RNF135: variants seen among roughly 807,000 people sequenced by gnomAD.
RNF135 encodes the protein ring finger protein 135.
A neutral mutation model predicts 41.9 loss-of-function variants in RNF135; 46 were observed. That is an observed-to-expected ratio of 1.10 (90% CI 0.87 to 1.40). The LOEUF (loss-of-function observed/expected upper bound fraction) is 1.40. Ranked by LOEUF, RNF135 falls within the 40% of genes most tolerant of loss-of-function variation. The pLI, the probability that RNF135 is intolerant of heterozygous loss-of-function variation, is 0.00. For synonymous variants in RNF135, 238 were observed against 223.8 expected, an observed-to-expected ratio of 1.06 and a Z score of -0.57; for missense variants, 539 against 549.8, an observed-to-expected ratio of 0.98 and a Z score of 0.20.
At chr17:30,962,046 C>T in the RNF135 span, among the ~76,000 whole-genome samples, 2 of 152,122 alleles carry the variant, frequency 1.3e-5, no homozygotes, top group Non-Finnish European at 2.9e-5. Flanking sequence ...GAGCAGCCTA[C>T]CCTGAATCCT....
chr17:30,965,319 C>T, the RNF135 span: 3 of 151,658 alleles, frequency 2.0e-5, no homozygotes, highest in Non-Finnish European at 4.4e-5. Context: ...CCAGCCTGGG[C>T]AACAAAGACC....
upstream of RNF135, chr17:30,971,036 C>G (rs1042070028): frequency 3.9e-6 from 6 of 1,533,166 alleles, no homozygotes; most frequent in African/African-American, 6.9e-5. Flanking sequence ...ACTCGCCCGG[C>G]TCAACCCCGA....
At chr17:30,973,339 T>C (rs1385039457) in intron 1 of RNF135, 1 of 152,202 alleles carries the variant, frequency 6.6e-6, no homozygotes, top group African/African-American at 2.4e-5. Context: ...ATGGTATCCT[T>C]TGATGTGCAA....
chr17:30,990,630 T>A (rs1414095889), intron 3 of RNF135, among the ~76,000 whole-genome samples: 1 of 152,240 alleles, frequency 6.6e-6, no homozygotes, highest in Non-Finnish European at 1.5e-5. Context: ...TTACCGTTTT[T>A]TTGAGTGTCT....
chr17:30,970,683 C>G, upstream of RNF135: 1 of 264,156 alleles, frequency 3.8e-6, no homozygotes, highest in Non-Finnish European at 7.3e-6. Flanking sequence ...CCTCTCCTCC[C>G]AAGAGTTGTC....
Position 30,975,537 on chromosome 17 carries a change from C to T in RNF135, c.372+4092C>T, listed in dbSNP as rs187620040. Reference sequence around the variant, plus strand: ...CCCTGCCCTCAGAAATAAATGGCCTCGAAAATAGACATACACCCAACAATA... The same window carrying T: ...CCCTGCCCTCAGAAATAAATGGCCTTGAAAATAGACATACACCCAACAATA... On this transcript the variant is annotated intron_variant, in intron 1 of 4. Transcript: ENST00000328381. 2.5e-4 allele frequency: 193 copies of T among 779,618 alleles called. 1 individual carries two copies. The African/African-American group carries it at 2.7e-3, about 11-fold the overall frequency. 48.3% of individuals were successfully genotyped at this position (779,618 alleles called of 1,614,324 possible).
At chr17:30,991,111 C>T (rs1907955214) in intron 3 of RNF135, among the ~76,000 whole-genome samples, 1 of 152,150 alleles carries the variant, frequency 6.6e-6, no homozygotes, top group Admixed American at 6.6e-5. Context: ...AGTCTTCACT[C>T]CCACAGAAGA....
At chr17:30,959,412 T>G in the RNF135 span, 1 of 152,204 alleles carries the variant, frequency 6.6e-6, no homozygotes, top group South Asian at 2.1e-4. Context: ...GGCTTGTTAG[T>G]GCAAGGAAGT....
chr17:30,971,511 T>C, intron 1 of RNF135, 66 bp downstream of exon 1: 3 of 1,416,766 alleles, frequency 2.1e-6, no homozygotes, highest in South Asian at 3.0e-5. Context: ...CCCTTTCCCA[T>C]GTGGCTCGAA....
At chr17:30,974,936 C>T (rs1906312349) in intron 1 of RNF135, among the ~76,000 whole-genome samples, 1 of 151,918 alleles carries the variant, frequency 6.6e-6, no homozygotes, top group Non-Finnish European at 1.5e-5. Context: ...CCTCGGCCTC[C>T]CAAAGTGCTG....
rs762704641 is a variant in RNF135 at position 30,998,695 on chromosome 17, T to C, written c.803T>C (p.Leu268Pro). ...CATCCAACCTTTAACTTGAAGAGCC[T>C]TTCCTGCAGCCTGGAGGTGTCCAAG... ...AIHPTFNLKS[L>P]SCSLEVSKDS... is the part of the protein sequence containing the mutation. Residue 268 changes from leucine (L) to proline (P), a missense_variant, in exon 5 of 5, where the codon CTT becomes CCT. Physicochemically the swap from Leu to Pro is moderately conservative, Grantham distance 98. Transcript: ENST00000328381. 6.2e-7 allele frequency: 1 copy of C among 1,614,062 alleles called. No homozygotes were observed. Among genetic ancestry groups the C allele is most frequent in the Admixed American group, 1.7e-5 (1 of 59,988 alleles).
chr17:30,974,743 G>T (rs1175736032), intron 1 of RNF135, among the ~76,000 whole-genome samples: 1 of 151,540 alleles, frequency 6.6e-6, no homozygotes, highest in African/African-American at 2.4e-5. Flanking sequence ...GCAGTGGCAC[G>T]ATCTTGGCTC....
chr17:30,997,485 A>C, intron 4 of RNF135, 154 bp downstream of exon 4: 1 of 715,688 alleles, frequency 1.4e-6, no homozygotes, highest in Non-Finnish European at 2.5e-6. Flanking sequence ...CTGATTGCAA[A>C]GGCAAAGCAG....
chr17:30,993,728 C>T, intron 3 of RNF135: 2 of 854,482 alleles, frequency 2.3e-6, no homozygotes, highest in South Asian at 3.4e-5. Context: ...TAAATAACTT[C>T]AGTAGGTTTT....
At chr17:30,986,919 C>T (rs1281869080) in intron 2 of RNF135, among the ~76,000 whole-genome samples, 5 of 152,162 alleles carry the variant, frequency 3.3e-5, no homozygotes, top group Non-Finnish European at 7.3e-5. Flanking sequence ...GGTTGATAAA[C>T]CTACTTTGTG....
At position 30,998,761 on chromosome 17, in the gene RNF135, A is replaced by G; in HGVS notation, c.869A>G (p.Tyr290Cys). Residue 290 changes from tyrosine to cysteine, a missense_variant, in exon 5 of 5, where the codon TAT (tyrosine) becomes TGT (cysteine). Physicochemically the swap from Tyr to Cys is radical, Grantham distance 194 (BLOSUM62 -2). Transcript: ENST00000328381. ...ACTGTGTCTCACCGCCCACAACCCT[A>G]TCGCTGGAGCTGTGAGAGGTTTTCT... The part of the protein sequence containing the change: ...TVTVSHRPQP[Y>C]RWSCERFSTS... 2.5e-6 allele frequency: 4 copies of G among 1,612,950 alleles called. No individual in the cohort carries two copies. Among genetic ancestry groups the G allele is most frequent in the East Asian group, 2.2e-5 (1 of 44,874 alleles).
intron 3 of RNF135, among the ~76,000 whole-genome samples, chr17:30,989,107 C>T (rs867015531): frequency 2.0e-5 from 3 of 149,630 alleles, no homozygotes; most frequent in Non-Finnish European, 4.5e-5. Flanking sequence ...CAGTGGCTCA[C>T]GCCTGTAATC....
chr17:30,979,581 G>A (rs1286148855), intron 1 of RNF135, among the ~76,000 whole-genome samples: 1 of 122,270 alleles, frequency 8.2e-6, no homozygotes. Context: ...CCCGGCAGAG[G>A]GGCTCCTCAC....
chr17:30,996,921 T>C (rs1047282706), intron 3 of RNF135, among the ~76,000 whole-genome samples: 2 of 152,200 alleles, frequency 1.3e-5, no homozygotes, highest in African/African-American at 4.8e-5. Flanking sequence ...GTTGATTTTA[T>C]TTCATGAGTG....
Sources: gnomAD v4.1 joint callset for allele counts (sites outside exome capture counted in the v4.1 genomes callset) on GRCh38, gnomAD v4.1.1 for gene constraint, MANE v1.5 for transcripts, NCBI Gene and HGNC (gene_info 2026-07-23, HGNC 2026-07-21) for gene names.